The following TIMM23B variants were observed in gnomAD, a reference collection of about 807,000 sequenced individuals.
TIMM23B encodes mitochondrial import inner membrane translocase subunit Tim23B.
TIMM23B carries 27 observed loss-of-function variants against 27.3 expected under a neutral mutation model. The ratio of observed to expected loss-of-function variants is 0.99; its 90% confidence interval spans 0.73 to 1.36. The LOEUF (loss-of-function observed/expected upper bound fraction) is 1.36. Among genes scored for constraint, TIMM23B ranks in the 40% most tolerant of loss-of-function variants. The pLI is 0.00. For synonymous variants in TIMM23B, 73 were observed against 92.4 expected (o/e 0.79, Z 1.21); for missense variants, 205 against 244.2 (o/e 0.84, Z 1.07).
At chr10:49,942,429 G>A in intron 1 of TIMM23B, 129 bp downstream of exon 1, 2 of 1,499,130 alleles carry the variant, frequency 1.3e-6, no homozygotes, top group South Asian at 2.5e-5. Flanking sequence ...AGTACCAGTG[G>A]TGGGGTTAGT....
At chr10:49,952,593 G>A in intron 4 of TIMM23B, 60 bp downstream of exon 4, 1 of 1,580,692 alleles carries the variant, frequency 6.3e-7, no homozygotes, top group Non-Finnish European at 8.7e-7. Context: ...TGTTGTATTG[G>A]TTTGATGAGT....
intron 6 of TIMM23B, among the ~76,000 whole-genome samples, chr10:49,965,933 G>A (rs534065906): frequency 4.7e-5 from 6 of 128,274 alleles, no homozygotes; most frequent in Middle Eastern, 3.9e-3. Context: ...GAAATGAAAC[G>A]AAATGAAATG....
chr10:49,958,181 C>G (rs1301845253), intron 5 of TIMM23B, among the ~76,000 whole-genome samples, 189 bp from the exon 6 acceptor site: 8 of 152,126 alleles, frequency 5.3e-5, no homozygotes, highest in Non-Finnish European at 1.2e-4. Flanking sequence ...TCACCTTTGT[C>G]CCTCTGAAGC....
At chr10:49,961,487 A>C (rs1302296031) in intron 6 of TIMM23B, among the ~76,000 whole-genome samples, 1 of 152,040 alleles carries the variant, frequency 6.6e-6, no homozygotes, top group Non-Finnish European at 1.5e-5. Context: ...TTGTGGAAGC[A>C]ATATATGGGA....
chr10:49,942,997 T>TAA (rs1211134317), intron 1 of TIMM23B, among the ~76,000 whole-genome samples: 3 of 152,228 alleles, frequency 2.0e-5, no homozygotes, highest in African/African-American at 7.2e-5. Context: ...AACTTGGACC[T>TAA]AAAGATAGGC....
At position 49,973,846 on chromosome 10, in the gene TIMM23B, C is replaced by T. The variant is rs1554857093; in HGVS notation, c.*782C>T. 6.8e-6 allele frequency: 1 copy of T among 147,520 alleles called. No individual in the cohort carries two copies. Among genetic ancestry groups the T allele is most frequent in the Admixed American group, 6.7e-5 (1 of 14,818 alleles). 9.1% of individuals were successfully genotyped at this position (147,520 alleles called of 1,614,324 possible). A position where few individuals can be genotyped will look rare whatever the true frequency, so the allele number is the denominator to read the frequency against. ...TTGAGATGGAGTCTTGCTCTGTTGC[C>T]AGGCTGGAGTGCAGTGGTGCTCTCA... On this transcript the variant is annotated 3_prime_UTR_variant, in exon 7 of 7. Transcript: ENST00000651259.
chr10:49,967,376 A>T (rs1276747585), intron 6 of TIMM23B, among the ~76,000 whole-genome samples: 1 of 152,202 alleles, frequency 6.6e-6, no homozygotes, highest in Non-Finnish European at 1.5e-5. Flanking sequence ...TGGACGTTGA[A>T]GTTATATTTG....
rs1839311719 is a variant in TIMM23B, at chr10:49,945,017, T to C, written c.107-15T>C. On this transcript the variant is annotated splice_polypyrimidine_tract_variant and intron_variant, in intron 1 of 6. Transcript: ENST00000651259. ...AAGAATTTTGTTGCAATGTGACATT[T>C]TGTTTTCTCTCTAGTAACTGGTATG... The C allele has an allele frequency of 1.9e-6, 3 of 1,556,548 alleles. No homozygotes were observed. The highest frequency in any genetic ancestry group is 1.7e-5 in the Admixed American group (1 of 59,228).
At chr10:49,959,023 G>A (rs1446069468) in intron 6 of TIMM23B, among the ~76,000 whole-genome samples, 1 of 152,110 alleles carries the variant, frequency 6.6e-6, no homozygotes, top group Non-Finnish European at 1.5e-5. Flanking sequence ...GAATATTTGG[G>A]TTGCTTCTAC....
intron 6 of TIMM23B, among the ~76,000 whole-genome samples, chr10:49,965,079 G>T (rs2132050598): frequency 6.6e-6 from 1 of 152,256 alleles, no homozygotes; most frequent in South Asian, 2.1e-4. Context: ...AATTAGCCGG[G>T]CATGATGGCA....
chr10:49,964,044 A>G (rs1444285020), intron 6 of TIMM23B, among the ~76,000 whole-genome samples: 5 of 152,096 alleles, frequency 3.3e-5, no homozygotes, highest in Non-Finnish European at 7.4e-5. Context: ...AGCCTGGGCA[A>G]TGCAGCAAGT....
At chr10:49,970,402 G>A (rs1202809499) in intron 6 of TIMM23B, 2 of 170,242 alleles carry the variant, frequency 1.2e-5, no homozygotes, top group Admixed American at 6.3e-5. Flanking sequence ...CCTCTGCCCC[G>A]CCGCCCCGTC....
intron 6 of TIMM23B, among the ~76,000 whole-genome samples, chr10:49,965,365 G>T (rs1295701669): frequency 6.6e-6 from 1 of 150,966 alleles, no homozygotes; most frequent in Non-Finnish European, 1.5e-5. Context: ...GAAATGCTGG[G>T]TGCACTCCAG....
At chr10:49,953,355 GT>G (rs1839604821) in intron 4 of TIMM23B, among the ~76,000 whole-genome samples, 1 of 152,120 alleles carries the variant, frequency 6.6e-6, no homozygotes, top group Admixed American at 6.6e-5. Context: ...AAATTGTGTG[GT>G]TTTTTGAGAG....
chr10:49,955,029 G>C lies in TIMM23B; in HGVS notation c.372G>C (p.Gly124=), dbSNP rs1275144803. Residue 124 remains glycine, a synonymous_variant, in exon 5 of 7, where the codon GGG becomes GGC. Coordinates refer to ENST00000651259, the MANE Select transcript of TIMM23B (RefSeq NM_001290117.2). ...VQILNMVTRQ[G]ALWANTLGSL... is the part of the protein sequence containing the mutation. ...TTTTGAATATGGTGACTAGGCAAGG[G>C]GCACTTTGGGCTAATACTCTAGGTT... The C allele has an allele frequency of 2.5e-6, 4 of 1,612,778 alleles. No homozygotes were observed. Among genetic ancestry groups the C allele is most frequent in the Non-Finnish European group, 3.4e-6 (4 of 1,179,154 alleles).
Position 49,942,105 on chromosome 10 carries a change from G to C in TIMM23B, c.-90G>C, listed in dbSNP as rs1243106499. On this transcript the variant is annotated 5_prime_UTR_variant, in exon 1 of 7. Coordinates refer to ENST00000651259, the MANE Select transcript of TIMM23B (RefSeq NM_001290117.2). The stretch of plus-strand genomic sequence containing the variant: ...CGTGTGAAGTAGGCGCTGGCAACGC[G>C]GGGTTACCCGCTGTTATTGAGGAGT... 5 of 1,429,350 alleles carry C rather than the reference G, an allele frequency of 3.5e-6. No individual in the cohort carries two copies. In the African/African-American group the frequency reaches 7.2e-5, roughly 21 times the overall value. 88.5% of individuals were successfully genotyped at this position (1,429,350 alleles called of 1,614,324 possible). A position where few individuals can be genotyped will look rare whatever the true frequency, so the allele number is the denominator to read the frequency against.
intron 6 of TIMM23B, among the ~76,000 whole-genome samples, chr10:49,969,612 G>A (rs1840328161): frequency 6.6e-6 from 1 of 151,490 alleles, no homozygotes; most frequent in South Asian, 2.1e-4. Flanking sequence ...AAGATCACTT[G>A]AGCTTGGGGA....
At chr10:49,971,882 A>G (rs1178341448) in intron 6 of TIMM23B, among the ~76,000 whole-genome samples, 1 of 152,214 alleles carries the variant, frequency 6.6e-6, no homozygotes, top group Non-Finnish European at 1.5e-5. Flanking sequence ...TTTATATTCA[A>G]GACAAGCAGA....
chr10:49,954,884 G>A (rs1839663438), intron 4 of TIMM23B, 118 bp from the exon 5 acceptor site: 1 of 899,494 alleles, frequency 1.1e-6, no homozygotes, highest in African/African-American at 1.7e-5. Context: ...ATGTATTTTA[G>A]AATTTAAAAA....
Sources: gnomAD v4.1 joint callset for allele counts (sites outside exome capture counted in the v4.1 genomes callset) on GRCh38, gnomAD v4.1.1 for gene constraint, MANE v1.5 for transcripts, NCBI Gene and HGNC (gene_info 2026-07-23, HGNC 2026-07-21) for gene names.